MYO9B: variants seen among roughly 807,000 people sequenced by gnomAD.
MYO9B encodes the protein myosin IXB, also known as unconventional myosin-IXb.
MYO9B carries 71 observed loss-of-function variants against 229.5 expected under a neutral mutation model. The observed-to-expected ratio is 0.31, with a 90% confidence interval of 0.26 to 0.38. The LOEUF (loss-of-function observed/expected upper bound fraction) is 0.38. Among genes scored for constraint, MYO9B ranks in the 10% least tolerant of loss-of-function variants. The probability of loss-of-function intolerance (pLI) is 1.00; values close to 1 mark genes in which losing one functional copy is unlikely to be tolerated. For missense variants in MYO9B, 2,255 were observed against 2,920.5 expected (o/e 0.77, Z 5.25); for synonymous variants, 1,185 against 1,235.8 (o/e 0.96, Z 0.86).
chr19:17,129,055 C>T (rs2072160759), intron 2 of MYO9B, among the ~76,000 whole-genome samples: 1 of 152,076 alleles, frequency 6.6e-6, no homozygotes, highest in East Asian at 1.9e-4. Flanking sequence ...ATGGCCTGAG[C>T]AGGGGGGTGG....
At chr19:17,211,156 T>C (rs1467348452) in intron 38 of MYO9B, among the ~76,000 whole-genome samples, 4 of 151,858 alleles carry the variant, frequency 2.6e-5, no homozygotes, top group African/African-American at 9.7e-5. Flanking sequence ...TAATTTTGTG[T>C]TTTTAATAGA....
chr19:17,166,136 A>G (rs987214547), intron 10 of MYO9B, among the ~76,000 whole-genome samples: 3 of 151,728 alleles, frequency 2.0e-5, no homozygotes, highest in Non-Finnish European at 2.9e-5. Context: ...TCCACCTCCC[A>G]GGTTCTAGTG....
intron 2 of MYO9B, among the ~76,000 whole-genome samples, chr19:17,105,657 C>G (rs538972175): frequency 6.6e-6 from 1 of 152,122 alleles, no homozygotes; most frequent in East Asian, 1.9e-4. Context: ...GGGTCAGACC[C>G]CACCCTTTCT....
At chr19:17,167,293 A>G (rs2072669942) in intron 10 of MYO9B, among the ~76,000 whole-genome samples, 1 of 147,746 alleles carries the variant, frequency 6.8e-6, no homozygotes, top group Non-Finnish European at 1.5e-5. Context: ...TCAGTAAAGT[A>G]TTTTTTACTT....
chr19:17,131,661 C>T (rs1445698281), intron 2 of MYO9B, among the ~76,000 whole-genome samples: 1 of 152,118 alleles, frequency 6.6e-6, no homozygotes, highest in Non-Finnish European at 1.5e-5. Context: ...GTTTGGAAGG[C>T]GGCCAGACTT....
In MYO9B at chr19:17,158,757, C is replaced by G. The variant is rs78515426; in HGVS notation, c.1330-638C>G. 2.2e-4 allele frequency among the ~76,000 whole-genome samples: 34 copies of G among 152,290 alleles called. No individual in the cohort carries two copies. The East Asian group carries it at 6.2e-3, about 28-fold the overall frequency. On this transcript the variant is annotated intron_variant, in intron 7 of 39. Transcript: ENST00000682292. ...GGCCCTGTGCAATGGATGGGAACCA[C>G]CAGCTCCAATAGGCAAGGCGGCCAC... is the stretch of plus-strand genomic sequence containing the variant.
intron 13 of MYO9B, among the ~76,000 whole-genome samples, chr19:17,174,365 C>T (rs1474204304): frequency 6.6e-6 from 1 of 152,102 alleles, no homozygotes; most frequent in Non-Finnish European, 1.5e-5. Context: ...CTGCCAGGTG[C>T]AGTGGCTCAA....
intron 28 of MYO9B, 49 bp from the exon 29 acceptor site, chr19:17,202,793 G>T (rs766069314): frequency 1.3e-6 from 2 of 1,545,776 alleles, no homozygotes; most frequent in Non-Finnish European, 1.8e-6. Flanking sequence ...GTGGGTTGGG[G>T]CTCTTCCCAG....
rs1363076050 is a variant in MYO9B, at chr19:17,188,180, G to C, written c.2688+135G>C. The C allele has an allele frequency of 7.6e-5, 53 of 693,836 alleles. 1 individual carries two copies. In the South Asian group the frequency reaches 8.7e-4, roughly 11 times the overall value. The allele number at this position is 693,836 out of a possible 1,614,324, so 43.0% of individuals were successfully genotyped here. ...GCAGTGGCTCACGCCTGTAATCCCA[G>C]CACCTTGGGAGGCTGAGGCAGGCGG... is the stretch of plus-strand genomic sequence containing the variant. On this transcript the variant is annotated intron_variant, in intron 19 of 39. Coordinates refer to ENST00000682292, the MANE Select transcript of MYO9B (RefSeq NM_004145.4).
Position 17,178,102 on chromosome 19 carries a change from G to A in MYO9B, c.2219+2361G>A, listed in dbSNP as rs796945508. 3.9e-5 allele frequency among the ~76,000 whole-genome samples: 6 copies of A among 152,336 alleles called. 1 individual carries two copies. The highest frequency in any genetic ancestry group is 4.1e-4 in the South Asian group (2 of 4,824). ...AAAGTCATGGGCCTCATTCCAAGCC[G>A]TGGCCGCTGCACTGACCACCCTGGG... is the stretch of plus-strand genomic sequence containing the variant. On this transcript the variant is annotated intron_variant, in intron 14 of 39. Coordinates refer to ENST00000682292, the MANE Select transcript of MYO9B (RefSeq NM_004145.4).
rs9582 is a variant in MYO9B at position 17,212,911 on chromosome 19, A to G, written c.*601A>G. On this transcript the variant is annotated 3_prime_UTR_variant, in exon 40 of 40. Coordinates refer to ENST00000682292, the MANE Select transcript of MYO9B (RefSeq NM_004145.4). The surrounding 1 kb of genome is among the most constrained non-coding windows in gnomAD (Gnocchi z 5.4). ...ACCTGGCCAATGTGCATTTTTGCAC[A>G]TGCTGGAACCTTCCATGGGGGTCTG... The G allele has an allele frequency of 0.7, 106,229 of 152,224 alleles. 38,792 individuals are homozygous for G. Among genetic ancestry groups the G allele is most frequent in the African/African-American group, 0.92 (38,140 of 41,554 alleles). The allele number at this position is 152,224 out of a possible 1,614,324, so 9.4% of individuals were successfully genotyped here. A position where few individuals can be genotyped will look rare whatever the true frequency, so the allele number is the denominator to read the frequency against.
Position 17,203,231 on chromosome 19 carries a change from C to G in MYO9B, c.4963C>G (p.Leu1655Val). 6.4e-7 allele frequency: 1 copy of G among 1,563,872 alleles called. No homozygotes were observed. Among genetic ancestry groups the G allele is most frequent in the Non-Finnish European group, 8.7e-7 (1 of 1,153,966 alleles). Residue 1655 changes from leucine to valine, a missense_variant, in exon 30 of 40, where the codon CTC (leucine) becomes GTC (valine). Transcript: ENST00000682292. ...CGAGCAGTGCCTCTCCTATATCTGG[C>G]TCATGGACAAGGCCCTGCTCTGCAG... ...SCEQCLSYIW[L>V]MDKALLCSVC...
intron 32 of MYO9B, 23 bp from the exon 33 acceptor site, chr19:17,206,225 G>GGGGGGGGCCCC: frequency 1.3e-6 from 2 of 1,564,666 alleles, no homozygotes; most frequent in Non-Finnish European, 1.7e-6. Flanking sequence ...CCGCTCACCA[G>GGGGGGGGCCCC]ACCCACCCCA....
intron 8 of MYO9B, among the ~76,000 whole-genome samples, chr19:17,162,124 G>A (rs1352943471): frequency 6.6e-6 from 1 of 152,132 alleles, no homozygotes; most frequent in Non-Finnish European, 1.5e-5. Context: ...GGCCAACATG[G>A]TGAAACTCCA....
chr19:17,087,121 GT>G (rs1302075474), intron 1 of MYO9B, among the ~76,000 whole-genome samples: 1 of 152,192 alleles, frequency 6.6e-6, no homozygotes, highest in Non-Finnish European at 1.5e-5. Context: ...AGGAACATTT[GT>G]TAACCATATG....
chr19:17,102,028 G>A lies in MYO9B; in HGVS notation c.311G>A (p.Gly104Asp). 6.2e-7 allele frequency: 1 copy of A among 1,612,392 alleles called. No homozygotes were observed. The highest frequency in any genetic ancestry group is 8.5e-7 in the Non-Finnish European group (1 of 1,179,886). Residue 104 changes from glycine to aspartate, a missense_variant, in exon 2 of 40, where the codon GGC (glycine) becomes GAC (aspartate). This residue lies in a region of MYO9B where 386 missense variants were observed against 515.2 expected (regional missense o/e 0.75). Coordinates refer to ENST00000682292, the MANE Select transcript of MYO9B (RefSeq NM_004145.4). ...CAGGACGAGCACCCTCAGGAGGATG[G>A]CTACTACTTCCTGCTGCAGGAGCGC... ...RAQDEHPQED[G>D]YYFLLQERNA...
intron 2 of MYO9B, among the ~76,000 whole-genome samples, chr19:17,134,262 A>G (rs1210252483): frequency 1.3e-5 from 2 of 151,284 alleles, no homozygotes; most frequent in African/African-American, 4.9e-5. Flanking sequence ...AAAATTCTAC[A>G]CGAGTGAGAT....
At chr19:17,156,869 C>T (rs370197088) in intron 6 of MYO9B, 40 bp from the exon 7 acceptor site, 88 of 1,594,610 alleles carry the variant, frequency 5.5e-5, no homozygotes, top group Admixed American at 1.9e-4. Flanking sequence ...GTCTTAGGAA[C>T]GTAGAAACTA....
At chr19:17,174,583 G>A (rs1237803766) in intron 13 of MYO9B, among the ~76,000 whole-genome samples, 1 of 152,112 alleles carries the variant, frequency 6.6e-6, no homozygotes, top group Non-Finnish European at 1.5e-5. Flanking sequence ...GTTGCAGTGA[G>A]CCAAGATCAT....
Sources: allele counts gnomAD v4.1 joint callset (sites outside exome capture counted in the v4.1 genomes callset), GRCh38; gene constraint gnomAD v4.1.1; regional missense constraint gnomAD v4.1.1; non-coding constraint Gnocchi (gnomAD v3.1); transcripts MANE v1.5; gene names NCBI Gene and HGNC (gene_info 2026-07-23, HGNC 2026-07-21).